Variants in NEK10 observed in about 807,000 individuals in gnomAD.
NEK10 encodes NIMA related kinase 10.
In NEK10, 122 loss-of-function variants were observed where a neutral mutation model predicts 159.8. That is an observed-to-expected ratio of 0.76 (90% CI 0.66 to 0.89). NEK10 has a LOEUF of 0.89. Ranked by LOEUF, NEK10 falls within the 40% of genes least tolerant of loss-of-function variation. NEK10 has a pLI of 0.00. For missense variants in NEK10, 1,342 were observed against 1,323.1 expected (o/e 1.01, Z -0.22); for synonymous variants, 466 against 457.1 (o/e 1.02, Z -0.25).
chr3:27,192,554 G>T (rs1020475170), intron 25 of NEK10, among the ~76,000 whole-genome samples: 2 of 151,046 alleles, frequency 1.3e-5, no homozygotes, highest in Non-Finnish European at 2.9e-5. Flanking sequence ...TCCTGCATGG[G>T]TTGGCTGCTT....
chr3:27,296,800 T>G (rs2043386812), intron 14 of NEK10, among the ~76,000 whole-genome samples: 1 of 152,198 alleles, frequency 6.6e-6, no homozygotes. Context: ...TGTGTCTCAA[T>G]CATCATTTTT....
chr3:27,119,737 T>C (rs1421702964), intron 33 of NEK10, 23 bp downstream of exon 33: 3 of 1,539,240 alleles, frequency 1.9e-6, no homozygotes, highest in Non-Finnish European at 2.7e-6. Context: ...GAAAGCCAGG[T>C]TACCCATGTT....
chr3:27,295,759 T>C, intron 14 of NEK10, 69 bp from the exon 15 acceptor site: 3 of 1,457,230 alleles, frequency 2.1e-6, no homozygotes, highest in South Asian at 1.4e-5. Context: ...AAGAGGCAAA[T>C]AAACAATCTC....
chr3:27,189,112 CTTATT>C (rs1408604659), intron 26 of NEK10, among the ~76,000 whole-genome samples: 1 of 152,086 alleles, frequency 6.6e-6, no homozygotes, highest in Admixed American at 6.5e-5. Flanking sequence ...CTTATGATCT[CTTATT>C]TTAAGTTATA....
chr3:27,258,875 C>T (rs1321155516), intron 22 of NEK10, among the ~76,000 whole-genome samples: 1 of 152,178 alleles, frequency 6.6e-6, no homozygotes, highest in Non-Finnish European at 1.5e-5. Flanking sequence ...TCCTCTCCAG[C>T]ACCTGTTGTT....
intron 3 of NEK10, among the ~76,000 whole-genome samples, chr3:27,346,540 C>A (rs545880485): frequency 6.6e-6 from 1 of 152,162 alleles, no homozygotes; most frequent in Non-Finnish European, 1.5e-5. Context: ...AATGCTATTA[C>A]CCCAGCACCT....
intron 23 of NEK10, among the ~76,000 whole-genome samples, chr3:27,249,248 T>C (rs1955411964): frequency 6.6e-6 from 1 of 152,226 alleles, no homozygotes; most frequent in South Asian, 2.1e-4. Flanking sequence ...CCAGCCACGC[T>C]GAACTGCAAA....
intron 30 of NEK10, among the ~76,000 whole-genome samples, chr3:27,151,370 T>G (rs1226856541): frequency 2.0e-5 from 3 of 152,026 alleles, no homozygotes; most frequent in Non-Finnish European, 4.4e-5. Flanking sequence ...TGGAGCTGGG[T>G]AGACTTGCTG....
In NEK10 at chr3:27,337,395, T is replaced by C. The variant is rs115370320; in HGVS notation, c.362+6877A>G. Among the ~76,000 whole-genome samples, 719 of 151,902 alleles carry C rather than the reference T, an allele frequency of 4.7e-3. 13 individuals are homozygous for C. Among genetic ancestry groups the C allele is most frequent in the African/African-American group, 0.017 (687 of 41,424 alleles). On this transcript the variant is annotated intron_variant, in intron 5 of 35. Transcript: ENST00000691995. Reference sequence around the variant, plus strand: ...AAAATGACCATACTACCCAAAGTAATATACAGATTCAATGCAATCCCTATC... The same window carrying C: ...AAAATGACCATACTACCCAAAGTAACATACAGATTCAATGCAATCCCTATC...
chr3:27,204,038 A>G (rs1402859233), intron 23 of NEK10, among the ~76,000 whole-genome samples: 2 of 152,132 alleles, frequency 1.3e-5, no homozygotes, highest in African/African-American at 2.4e-5. Context: ...CATGCTCAAC[A>G]CAGAAAATGT....
At chr3:27,327,977 A>C (rs2046130811) in intron 5 of NEK10, among the ~76,000 whole-genome samples, 1 of 152,022 alleles carries the variant, frequency 6.6e-6, no homozygotes, top group Non-Finnish European at 1.5e-5. Context: ...ATTCATCCTA[A>C]ATGATTATTT....
intron 23 of NEK10, among the ~76,000 whole-genome samples, chr3:27,218,736 T>TAAAA (rs1178048499): frequency 1.1e-5 from 1 of 93,170 alleles, no homozygotes; most frequent in Non-Finnish European, 2.1e-5. Context: ...GAATGAAGTC[T>TAAAA]AAAAAAAAAA....
At chr3:27,274,267 T>C in intron 22 of NEK10, among the ~76,000 whole-genome samples, 1 of 152,130 alleles carries the variant, frequency 6.6e-6, no homozygotes, top group East Asian at 1.9e-4. Context: ...GATGGAGTTA[T>C]GATGACACAG....
chr3:27,305,122 C>G lies in NEK10; in HGVS notation c.804-151G>C, dbSNP rs557147895. Among the ~76,000 whole-genome samples the G allele has an allele frequency of 5.9e-5, 9 of 152,286 alleles. No homozygotes were observed. In the East Asian group the frequency reaches 9.6e-4, roughly 16 times the overall value. ...TGCCATTTTCTGTAAGGAGCCCGAT[C>G]AAAGCCAAACACTTTTAGCTTTACT... On this transcript the variant is annotated intron_variant, in intron 11 of 35. Transcript: ENST00000691995.
Position 27,260,504 on chromosome 3 carries a change from T to A in NEK10, c.2015-4133A>T, listed in dbSNP as rs186276386. Among the ~76,000 whole-genome samples, 89 of 152,320 alleles carry A rather than the reference T, an allele frequency of 5.8e-4. No homozygotes were observed. The East Asian group carries it at 0.016, about 28-fold the overall frequency. ...ATGTGGTTTTTGTTTTTGGTTCTGT[T>A]TATATGCAGGATTACGTTTATTGAT... On this transcript the variant is annotated intron_variant, in intron 22 of 35. Coordinates refer to ENST00000691995, the MANE Select transcript of NEK10 (RefSeq NM_001394966.1).
chr3:27,344,511 T>C, intron 4 of NEK10, 141 bp from the exon 5 acceptor site: 1 of 472,070 alleles, frequency 2.1e-6, no homozygotes. Context: ...CAGGCAAATA[T>C]TGAAGGAGCC....
At chr3:27,198,649 C>T (rs1305619196) in intron 25 of NEK10, among the ~76,000 whole-genome samples, 3 of 152,072 alleles carry the variant, frequency 2.0e-5, no homozygotes, top group Admixed American at 6.6e-5. Flanking sequence ...CAAAAATCAA[C>T]TCAAGACAGA....
chr3:27,232,714 A>C (rs960071792), intron 23 of NEK10, among the ~76,000 whole-genome samples: 2 of 151,992 alleles, frequency 1.3e-5, no homozygotes, highest in African/African-American at 4.8e-5. Context: ...AAAAATAGGC[A>C]TGGAGACAAT....
chr3:27,290,952 A>G (rs891358599), intron 18 of NEK10, among the ~76,000 whole-genome samples, 198 bp from the exon 19 acceptor site: 1 of 152,266 alleles, frequency 6.6e-6, no homozygotes, highest in Non-Finnish European at 1.5e-5. Flanking sequence ...CCCCTGGGTC[A>G]GTCTGCAATA....
Sources: gnomAD v4.1 joint callset for allele counts (sites outside exome capture counted in the v4.1 genomes callset) on GRCh38, gnomAD v4.1.1 for gene constraint, MANE v1.5 for transcripts, NCBI Gene and HGNC (gene_info 2026-07-23, HGNC 2026-07-21) for gene names.